Variants in ITFG2 observed in about 807,000 individuals in gnomAD.
The protein encoded by ITFG2 is KICSTOR complex protein ITFG2.
In ITFG2, 36 loss-of-function variants were observed where a neutral mutation model predicts 54.4. The ratio of observed to expected loss-of-function variants is 0.66; its 90% confidence interval spans 0.51 to 0.87. The LOEUF is 0.87. Among genes scored for constraint, ITFG2 ranks in the 40% least tolerant of loss-of-function variants. The probability of loss-of-function intolerance (pLI) is 0.00; values close to 1 mark genes in which losing one functional copy is unlikely to be tolerated. For missense variants in ITFG2, 524 were observed against 576.7 expected, an observed-to-expected ratio of 0.91 and a Z score of 0.94; for synonymous variants, 211 against 225.4, an observed-to-expected ratio of 0.94 and a Z score of 0.57.
At chr12:2,826,803 GAGAC>G, downstream of ITFG2, 13 of 250,782 alleles carry the variant, frequency 5.2e-5, no homozygotes, top group South Asian at 1.4e-4. Context: ...GGTGTGGTGA[GAGAC>G]ATGGTGGTGT....
chr12:2,834,197 T>A (rs1308602880), upstream of ITFG2, among the ~76,000 whole-genome samples: 1 of 152,136 alleles, frequency 6.6e-6, no homozygotes, highest in Non-Finnish European at 1.5e-5. Context: ...AGACCCCCGA[T>A]GTTTTGATTC....
chr12:2,854,963 T>C, intron 2 of ITFG2: 1 of 1,536,238 alleles, frequency 6.5e-7, no homozygotes, highest in South Asian at 1.2e-5. Flanking sequence ...GCCTCACTCC[T>C]CAACTTGAGC....
intron 1 of ITFG2, among the ~76,000 whole-genome samples, chr12:2,839,656 T>G (rs2098036385): frequency 6.6e-6 from 1 of 152,126 alleles, no homozygotes; most frequent in African/African-American, 2.4e-5. Context: ...CCAGATGAGG[T>G]CCCTGCCTTC....
At position 2,839,994 on chromosome 12, in the gene ITFG2, G is replaced by C. The variant is rs562369085; in HGVS notation, n.147-848G>C. ...AGGAGCTAGGGCTGAAGAACTTCCTGTTGGGTACTGTGGTCACTCTCTGAG... is the reference window on the plus strand; with the variant it reads ...AGGAGCTAGGGCTGAAGAACTTCCTCTTGGGTACTGTGGTCACTCTCTGAG... On this transcript the variant is annotated intron_variant and non_coding_transcript_variant, in intron 1 of 3. Coordinates refer to the ITFG2 transcript ENST00000537710. Among the ~76,000 whole-genome samples, 7 of 152,000 alleles carry C rather than the reference G, an allele frequency of 4.6e-5. No individual in the cohort carries two copies. In the South Asian group the frequency reaches 1.5e-3, roughly 32 times the overall value.
chr12:2,814,048 A>C (rs1479340710), intron 1 of ITFG2, among the ~76,000 whole-genome samples: 1 of 152,094 alleles, frequency 6.6e-6, no homozygotes, highest in Non-Finnish European at 1.5e-5. Context: ...GGCTCAAATG[A>C]TTCTACTGCC....
intron 6 of ITFG2, 139 bp downstream of exon 6, chr12:2,821,011 C>A: frequency 1.1e-6 from 1 of 915,130 alleles, no homozygotes; most frequent in Non-Finnish European, 1.6e-6. Context: ...CTTTGCCCCA[C>A]TGGGGAAGAT....
chr12:2,854,502 C>T (rs1468729733), intron 2 of ITFG2, among the ~76,000 whole-genome samples: 1 of 152,222 alleles, frequency 6.6e-6, no homozygotes, highest in African/African-American at 2.4e-5. Context: ...CGGGCTACAG[C>T]TTTCACTCCA....
chr12:2,859,595 C>G (rs2098105140), exon 4 of ITFG2: 1 of 1,613,572 alleles, frequency 6.2e-7, no homozygotes, highest in Non-Finnish European at 8.5e-7. Flanking sequence ...CTTCTCCAAA[C>G]AGGAGTTTCT....
chr12:2,856,435 G>A (rs1198530762), intron 2 of ITFG2, among the ~76,000 whole-genome samples: 6 of 152,102 alleles, frequency 3.9e-5, no homozygotes, highest in African/African-American at 7.2e-5. Flanking sequence ...GTGCAATCTC[G>A]GCTCACTGCA....
At chr12:2,831,876 C>T (rs1353518664), upstream of ITFG2, among the ~76,000 whole-genome samples, 1 of 152,158 alleles carries the variant, frequency 6.6e-6, no homozygotes, top group Non-Finnish European at 1.5e-5. Flanking sequence ...GGACCAAAAG[C>T]ATATGCCACA....
upstream of ITFG2, among the ~76,000 whole-genome samples, chr12:2,834,357 C>A (rs573435027): frequency 7.2e-5 from 11 of 152,112 alleles, no homozygotes; most frequent in Non-Finnish European, 1.5e-4. Context: ...TCCTGTAAGC[C>A]CCCACTTCTA....
chr12:2,849,761 C>T (rs950644755), intron 2 of ITFG2, among the ~76,000 whole-genome samples: 1 of 152,176 alleles, frequency 6.6e-6, no homozygotes, highest in East Asian at 1.9e-4. Context: ...AGCTAGTAAG[C>T]CTTCCATCCT....
chr12:2,851,563 G>A (rs377523151), intron 2 of ITFG2, among the ~76,000 whole-genome samples: 13 of 152,108 alleles, frequency 8.5e-5, no homozygotes, highest in African/African-American at 2.7e-4. Flanking sequence ...GGCTGGCCTT[G>A]AACTCCTGAC....
chr12:2,813,320 A>G (rs2097913780), intron 1 of ITFG2, among the ~76,000 whole-genome samples: 1 of 152,246 alleles, frequency 6.6e-6, no homozygotes, highest in Non-Finnish European at 1.5e-5. Flanking sequence ...CCACAGGTCA[A>G]GCAGGTAAAA....
chr12:2,843,294 A>G (rs1246289697), intron 2 of ITFG2, among the ~76,000 whole-genome samples: 2 of 152,232 alleles, frequency 1.3e-5, no homozygotes, highest in Non-Finnish European at 2.9e-5. Context: ...CAAGGGCCGC[A>G]GGCAGCCCGT....
chr12:2,858,983 G>C, intron 3 of ITFG2: 1 of 1,613,560 alleles, frequency 6.2e-7, no homozygotes, highest in South Asian at 1.1e-5. Flanking sequence ...GGTCAGGCAA[G>C]GGGTCAGAGG....
At chr12:2,841,318 A>T (rs2098040565) in intron 2 of ITFG2, among the ~76,000 whole-genome samples, 1 of 152,164 alleles carries the variant, frequency 6.6e-6, no homozygotes, top group Non-Finnish European at 1.5e-5. Context: ...ACGGAGTACC[A>T]CTGAGTGCGT....
chr12:2,843,485 A>G (rs914056892), intron 2 of ITFG2, among the ~76,000 whole-genome samples: 2 of 152,228 alleles, frequency 1.3e-5, no homozygotes, highest in African/African-American at 4.8e-5. Flanking sequence ...CAGCCTGAGC[A>G]TGGCATGGTG....
chr12:2,846,091 T>G (rs2098052675), intron 2 of ITFG2, among the ~76,000 whole-genome samples: 2 of 152,106 alleles, frequency 1.3e-5, no homozygotes, highest in African/African-American at 4.8e-5. Flanking sequence ...CTGCTGGAGC[T>G]AGGGGGCGCC....
Sources: allele counts gnomAD v4.1 joint callset (sites outside exome capture counted in the v4.1 genomes callset), GRCh38; gene constraint gnomAD v4.1.1; transcripts MANE v1.5; gene names NCBI Gene and HGNC (gene_info 2026-07-23, HGNC 2026-07-21).